Variants in DOK6 observed in about 807,000 individuals in gnomAD.
DOK6 encodes the protein docking protein 6.
A neutral mutation model predicts 44.0 loss-of-function variants in DOK6; 22 were observed. The ratio of observed to expected loss-of-function variants is 0.50; its 90% CI spans 0.36 to 0.71. The LOEUF (loss-of-function observed/expected upper bound fraction) is 0.71, where lower values mean the gene tolerates loss of function less well. Among genes scored for constraint, DOK6 ranks in the 30% least tolerant of loss-of-function variants. The probability of loss-of-function intolerance (pLI) is 0.00; values close to 1 mark genes in which losing one functional copy is unlikely to be tolerated. For missense variants in DOK6, 340 were observed against 416.4 expected (o/e 0.82, Z 1.60); for synonymous variants, 166 against 145.5 (o/e 1.14, Z -1.01).
chr18:69,610,789 C>T (rs9319788), intron 3 of DOK6, among the ~76,000 whole-genome samples: 130,810 of 152,228 alleles, frequency 0.86, 57,013 homozygotes, highest in Non-Finnish European at 0.95. Flanking sequence ...AATCAGGATG[C>T]ACTTTAAAGT....
intron 1 of DOK6, among the ~76,000 whole-genome samples, chr18:69,474,837 T>G (rs1980216898): frequency 6.6e-6 from 1 of 152,172 alleles, no homozygotes; most frequent in Non-Finnish European, 1.5e-5. Flanking sequence ...ATATAACCCC[T>G]TTAGAAATCC....
At chr18:69,748,203 A>C (rs1347732893) in intron 6 of DOK6, among the ~76,000 whole-genome samples, 2 of 152,326 alleles carry the variant, frequency 1.3e-5, no homozygotes, top group East Asian at 3.9e-4. Context: ...ACTATTCTAA[A>C]TATGTACGCA....
intron 4 of DOK6, among the ~76,000 whole-genome samples, chr18:69,688,860 T>C (rs1373285113): frequency 5.9e-5 from 9 of 152,218 alleles, no homozygotes; most frequent in Non-Finnish European, 8.8e-5. Context: ...AATAAGTTAT[T>C]CTAGAATGAC....
rs12458621 is a variant in DOK6 at position 69,677,372 on chromosome 18, A to G, written c.290-362A>G. ...ATATATATATTATATATGTGTGTGT[A>G]TATATATATATATGTATATAAAATG... On this transcript the variant is annotated intron_variant, in intron 3 of 7. Coordinates refer to ENST00000382713, the MANE Select transcript of DOK6 (RefSeq NM_152721.6). 2.4e-3 allele frequency among the ~76,000 whole-genome samples: 109 copies of G among 44,724 alleles called. 1 individual carries two copies. Among genetic ancestry groups the G allele is most frequent in the African/African-American group, 6.3e-3 (94 of 14,840 alleles). The allele number at this position is 44,724 out of a possible 152,430, so 29.3% of individuals were successfully genotyped here.
At chr18:69,827,316 G>A (rs1340162161) in intron 7 of DOK6, among the ~76,000 whole-genome samples, 1 of 152,052 alleles carries the variant, frequency 6.6e-6, no homozygotes, top group African/African-American at 2.4e-5. Context: ...TCATAATGAT[G>A]AAACATAAAA....
intron 5 of DOK6, among the ~76,000 whole-genome samples, chr18:69,717,636 T>C (rs111867401): frequency 2.3e-4 from 35 of 152,298 alleles, no homozygotes; most frequent in African/African-American, 7.7e-4. Context: ...AGAGCCTTCA[T>C]TGTGTAACTG....
intron 7 of DOK6, 106 bp downstream of exon 7, chr18:69,757,979 C>T (rs532561833): frequency 2.1e-6 from 2 of 964,896 alleles, no homozygotes; most frequent in South Asian, 1.4e-5. Context: ...TCCTCCCATT[C>T]CCATTTATCA....
In DOK6 at chr18:69,784,923, T is replaced by C. The variant is rs534482218; in HGVS notation, c.856+27050T>C. Reference sequence around the variant, plus strand: ...AGTCATAGAGACTGTTTGTCACCCATGCTGGTGCTGAAAATGCAGTTCATA... The same window carrying C: ...AGTCATAGAGACTGTTTGTCACCCACGCTGGTGCTGAAAATGCAGTTCATA... On this transcript the variant is annotated intron_variant, in intron 7 of 7. Coordinates refer to ENST00000382713, the MANE Select transcript of DOK6 (RefSeq NM_152721.6). Among the ~76,000 whole-genome samples the C allele has an allele frequency of 1.8e-3, 267 of 152,322 alleles. 1 individual carries two copies. The highest frequency in any genetic ancestry group is 3.4e-3 in the Middle Eastern group (1 of 294).
intron 6 of DOK6, among the ~76,000 whole-genome samples, chr18:69,750,802 ATAGT>A: frequency 6.6e-6 from 1 of 152,254 alleles, no homozygotes; most frequent in Admixed American, 6.5e-5. Flanking sequence ...ATGTTTCACA[ATAGT>A]AAGTTTATGG....
intron 1 of DOK6, among the ~76,000 whole-genome samples, chr18:69,497,346 C>T (rs145219942): frequency 1.9e-3 from 282 of 152,304 alleles, no homozygotes; most frequent in African/African-American, 6.2e-3. Context: ...CAAATGTCGT[C>T]TGATGACACA....
At chr18:69,433,712 C>A (rs1301809672) in intron 1 of DOK6, among the ~76,000 whole-genome samples, 1 of 152,028 alleles carries the variant, frequency 6.6e-6, no homozygotes, top group African/African-American at 2.4e-5. Context: ...TTCTTCCCTT[C>A]TAAAAACCTG....
Position 69,665,106 on chromosome 18 carries a change from G to A in DOK6, c.290-12628G>A, listed in dbSNP as rs948837759. On this transcript the variant is annotated intron_variant, in intron 3 of 7. Transcript: ENST00000382713. ...TGAGACAGAAGAATCGCTTGAACAC[G>A]GGAGATGGAGGTTGCAGTGAGCCGA... is the stretch of plus-strand genomic sequence containing the variant. 3.3e-5 allele frequency among the ~76,000 whole-genome samples: 5 copies of A among 152,054 alleles called. No homozygotes were observed. The East Asian group carries it at 9.6e-4, about 29-fold the overall frequency.
intron 1 of DOK6, among the ~76,000 whole-genome samples, chr18:69,421,843 G>A (rs1978501037): frequency 6.6e-6 from 1 of 152,184 alleles, no homozygotes; most frequent in African/African-American, 2.4e-5. Flanking sequence ...GGCTGATGAT[G>A]TCTTGACCAC....
At chr18:69,466,343 T>C (rs1979927038) in intron 1 of DOK6, among the ~76,000 whole-genome samples, 1 of 152,204 alleles carries the variant, frequency 6.6e-6, no homozygotes, top group Non-Finnish European at 1.5e-5. Context: ...TGTCAGGATT[T>C]CCTTCTTTTT....
At chr18:69,530,572 T>C (rs1267547456) in intron 1 of DOK6, among the ~76,000 whole-genome samples, 1 of 151,824 alleles carries the variant, frequency 6.6e-6, no homozygotes, top group Non-Finnish European at 1.5e-5. Flanking sequence ...CCAAGAAAGA[T>C]GAGAAGTATC....
rs572836238 is a variant in DOK6, at chr18:69,498,152, T to C, written c.67-66335T>C. 2.6e-5 allele frequency among the ~76,000 whole-genome samples: 4 copies of C among 152,310 alleles called. No homozygotes were observed. In the South Asian group the frequency reaches 8.3e-4, roughly 32 times the overall value. On this transcript the variant is annotated intron_variant, in intron 1 of 7. Transcript: ENST00000382713. The stretch of plus-strand genomic sequence containing the variant: ...CTATGTGCATAGGAGATCAGAATAC[T>C]TAGAAAATTCACTTTGGGAAAATTA...
chr18:69,556,786 G>A (rs989601384), intron 1 of DOK6, among the ~76,000 whole-genome samples: 2 of 152,170 alleles, frequency 1.3e-5, no homozygotes, highest in Non-Finnish European at 1.5e-5. Context: ...CTAGTATTAA[G>A]ATAGAGCAAA....
At chr18:69,541,023 A>G (rs965397015) in intron 1 of DOK6, among the ~76,000 whole-genome samples, 3 of 152,142 alleles carry the variant, frequency 2.0e-5, no homozygotes, top group Non-Finnish European at 4.4e-5. Context: ...AAGAGTGTGT[A>G]TGTTATCCTA....
At chr18:69,468,631 G>A (rs778077156) in intron 1 of DOK6, among the ~76,000 whole-genome samples, 8 of 152,180 alleles carry the variant, frequency 5.3e-5, no homozygotes, top group Non-Finnish European at 1.0e-4. Context: ...GCTGCATAGA[G>A]AAATAGAAGT....
Sources: gnomAD v4.1 joint callset for allele counts (sites outside exome capture counted in the v4.1 genomes callset) on GRCh38, gnomAD v4.1.1 for gene constraint, MANE v1.5 for transcripts, NCBI Gene and HGNC (gene_info 2026-07-23, HGNC 2026-07-21) for gene names.